The following NCKAP5 variants were observed in gnomAD, a reference collection of about 807,000 sequenced individuals.
NCKAP5 encodes NCK associated protein 5.
A neutral mutation model predicts 167.0 loss-of-function variants in NCKAP5; 92 were observed. That is an observed-to-expected ratio of 0.55 (90% CI 0.47 to 0.66). The LOEUF (loss-of-function observed/expected upper bound fraction) is 0.66, where lower values mean the gene tolerates loss of function less well. Ranked by LOEUF, NCKAP5 falls within the 30% of genes least tolerant of loss-of-function variation. The pLI is 0.00. For synonymous variants in NCKAP5, 891 were observed against 877.4 expected, an observed-to-expected ratio of 1.02 and a Z score of -0.27; for missense variants, 2,378 against 2,315.0, an observed-to-expected ratio of 1.03 and a Z score of -0.56.
At chr2:132,747,175 A>AAAT (rs1421277236) in intron 16 of NCKAP5, among the ~76,000 whole-genome samples, 2 of 151,916 alleles carry the variant, frequency 1.3e-5, no homozygotes, top group Admixed American at 6.6e-5. Context: ...GCCTGCCAAA[A>AAAT]AAAAAAAACA....
At chr2:133,445,824 C>T (rs977067917) in intron 3 of NCKAP5, among the ~76,000 whole-genome samples, 4 of 151,926 alleles carry the variant, frequency 2.6e-5, no homozygotes, top group African/African-American at 7.3e-5. Flanking sequence ...GAGCAGCTTG[C>T]GATAATGTGA....
chr2:133,478,689 A>C (rs974378521), intron 3 of NCKAP5, among the ~76,000 whole-genome samples: 1 of 152,222 alleles, frequency 6.6e-6, no homozygotes, highest in Admixed American at 6.5e-5. Flanking sequence ...TAGTGATTTC[A>C]CTACCCTTAC....
chr2:133,143,755 C>T (rs2083084719), intron 5 of NCKAP5, among the ~76,000 whole-genome samples: 1 of 151,978 alleles, frequency 6.6e-6, no homozygotes, highest in Non-Finnish European at 1.5e-5. Flanking sequence ...GCCCTTTTCA[C>T]ATAGCTGCCA....
At chr2:133,150,460 T>C (rs2083349381) in intron 5 of NCKAP5, among the ~76,000 whole-genome samples, 1 of 152,196 alleles carries the variant, frequency 6.6e-6, no homozygotes. Flanking sequence ...CCAGGATTTC[T>C]AACTGAGTTG....
At chr2:133,190,404 C>A (rs769163857) in intron 5 of NCKAP5, among the ~76,000 whole-genome samples, 1 of 152,104 alleles carries the variant, frequency 6.6e-6, no homozygotes, top group Non-Finnish European at 1.5e-5. Flanking sequence ...TAACTTTCTT[C>A]ACAGAATTGG....
intron 3 of NCKAP5, among the ~76,000 whole-genome samples, chr2:133,450,318 T>C (rs1017595571): frequency 6.6e-6 from 1 of 152,206 alleles, no homozygotes; most frequent in African/African-American, 2.4e-5. Flanking sequence ...TTCCAATATG[T>C]CCATCAAGTG....
At chr2:132,742,949 A>C (rs1377776164) in intron 16 of NCKAP5, among the ~76,000 whole-genome samples, 1 of 151,890 alleles carries the variant, frequency 6.6e-6, no homozygotes, top group Non-Finnish European at 1.5e-5. Context: ...CTGTCTCTAC[A>C]GGAAGATAAT....
Position 132,862,229 on chromosome 2 carries a change from C to G in NCKAP5, c.688-1618G>C, listed in dbSNP as rs1217594236. 6.6e-5 allele frequency among the ~76,000 whole-genome samples: 10 copies of G among 152,276 alleles called. No individual in the cohort carries two copies. In the East Asian group the frequency reaches 1.7e-3, roughly 27 times the overall value. Reference sequence around the variant, plus strand: ...GTGAAGTTAGATCTCGCTAGTAAAGCCTTCTCTGAGGCTTGATGAGCATGC... The same window carrying G: ...GTGAAGTTAGATCTCGCTAGTAAAGGCTTCTCTGAGGCTTGATGAGCATGC... On this transcript the variant is annotated intron_variant, in intron 10 of 19. Transcript: ENST00000409261.
At position 132,933,069 on chromosome 2, in the gene NCKAP5, C is replaced by T. The variant is rs902101388; in HGVS notation, c.579+30651G>A. 5.9e-5 allele frequency among the ~76,000 whole-genome samples: 9 copies of T among 152,008 alleles called. No homozygotes were observed. In the East Asian group the frequency reaches 7.7e-4, roughly 13 times the overall value. ...CCTCCCGAGCAGCTGGGACTACAGG[C>T]ACCTGCCACCACGCGTGGCTAATAT... On this transcript the variant is annotated intron_variant, in intron 8 of 19. Transcript: ENST00000409261.
intron 3 of NCKAP5, among the ~76,000 whole-genome samples, chr2:133,488,530 A>G (rs1681121550): frequency 6.6e-6 from 1 of 152,138 alleles, no homozygotes; most frequent in Non-Finnish European, 1.5e-5. Context: ...GTCTAGGCAT[A>G]TGGAGTGTTT....
intron 2 of NCKAP5, among the ~76,000 whole-genome samples, chr2:133,527,437 T>C (rs1305852645): frequency 6.6e-6 from 1 of 152,170 alleles, no homozygotes; most frequent in Non-Finnish European, 1.5e-5. Context: ...AGGAGCTTTT[T>C]TTTCCACTTT....
At chr2:132,898,425 A>G (rs778618326) in intron 8 of NCKAP5, among the ~76,000 whole-genome samples, 9 of 152,144 alleles carry the variant, frequency 5.9e-5, no homozygotes, top group Non-Finnish European at 8.8e-5. Flanking sequence ...TAATGTTTAT[A>G]TTTTGACCTT....
intron 3 of NCKAP5, among the ~76,000 whole-genome samples, chr2:133,419,388 T>C (rs1333634155): frequency 1.3e-5 from 2 of 152,194 alleles, no homozygotes; most frequent in African/African-American, 4.8e-5. Flanking sequence ...GTAAATATGG[T>C]TCACAGGCAT....
chr2:132,839,301 T>C (rs761497487), intron 11 of NCKAP5, among the ~76,000 whole-genome samples: 2 of 152,238 alleles, frequency 1.3e-5, no homozygotes, highest in Non-Finnish European at 2.9e-5. Context: ...CTATTTCTTC[T>C]ACATTAAAAT....
intron 3 of NCKAP5, among the ~76,000 whole-genome samples, chr2:133,436,653 C>T (rs1690498937): frequency 1.3e-5 from 2 of 152,184 alleles, no homozygotes; most frequent in African/African-American, 4.8e-5. Flanking sequence ...CCCCACTCTT[C>T]ACCTGGGGAA....
chr2:132,907,711 T>G (rs1022270101), intron 8 of NCKAP5, among the ~76,000 whole-genome samples: 1 of 151,978 alleles, frequency 6.6e-6, no homozygotes, highest in Non-Finnish European at 1.5e-5. Context: ...AGGCTGGAGT[T>G]CAGTGGCACG....
At chr2:133,475,102 C>A (rs1196582914) in intron 3 of NCKAP5, among the ~76,000 whole-genome samples, 1 of 152,176 alleles carries the variant, frequency 6.6e-6, no homozygotes, top group Admixed American at 6.5e-5. Context: ...AGCCACCATG[C>A]CCAGCCTAGA....
chr2:133,466,831 G>T (rs1692635301), intron 3 of NCKAP5, among the ~76,000 whole-genome samples: 1 of 152,046 alleles, frequency 6.6e-6, no homozygotes, highest in Non-Finnish European at 1.5e-5. Context: ...TGGTGTATAA[G>T]AATGCTTGTG....
intron 6 of NCKAP5, among the ~76,000 whole-genome samples, chr2:133,020,007 C>T (rs887968861): frequency 6.6e-6 from 1 of 152,228 alleles, no homozygotes; most frequent in African/African-American, 2.4e-5. Flanking sequence ...TACCTCCACA[C>T]ACTTCAGTTT....
Sources: gnomAD v4.1 joint callset for allele counts (sites outside exome capture counted in the v4.1 genomes callset) on GRCh38, gnomAD v4.1.1 for gene constraint, MANE v1.5 for transcripts, NCBI Gene and HGNC (gene_info 2026-07-23, HGNC 2026-07-21) for gene names.